The following DOCK7 variants were observed in gnomAD, a reference collection of about 807,000 sequenced individuals.
The protein encoded by DOCK7 is dedicator of cytokinesis protein 7.
A neutral mutation model predicts 271.0 loss-of-function variants in DOCK7; 138 were observed. The observed-to-expected ratio is 0.51, with a 90% CI of 0.44 to 0.59. The LOEUF (loss-of-function observed/expected upper bound fraction) is 0.59. Among genes scored for constraint, DOCK7 ranks in the 20% least tolerant of loss-of-function variants. The pLI is 0.00. For missense variants in DOCK7, 2,066 were observed against 2,592.4 expected, an observed-to-expected ratio of 0.80 and a Z score of 4.41; for synonymous variants, 823 against 876.1, an observed-to-expected ratio of 0.94 and a Z score of 1.07.
At chr1:62,670,717 A>G (rs1181438470) in intron 1 of DOCK7, among the ~76,000 whole-genome samples, 2 of 152,062 alleles carry the variant, frequency 1.3e-5, no homozygotes, top group Admixed American at 6.6e-5. Flanking sequence ...CTTTGTATCT[A>G]GCTCAGGGAT....
intron 16 of DOCK7, among the ~76,000 whole-genome samples, chr1:62,580,406 TG>T (rs2149487506): frequency 6.6e-6 from 1 of 152,318 alleles, no homozygotes; most frequent in African/African-American, 2.4e-5. Context: ...CAATGTCAGA[TG>T]GCATAGTCAT....
chr1:62,652,942 G>A (rs1657559703), intron 4 of DOCK7, among the ~76,000 whole-genome samples: 1 of 152,058 alleles, frequency 6.6e-6, no homozygotes, highest in African/African-American at 2.4e-5. Context: ...ACAATGTAAA[G>A]CCTAGTGAAA....
At chr1:62,540,954 G>C (rs1472490049) in intron 25 of DOCK7, among the ~76,000 whole-genome samples, 1 of 152,080 alleles carries the variant, frequency 6.6e-6, no homozygotes, top group African/African-American at 2.4e-5. Context: ...TATAGTCCCT[G>C]ATTTATTTTT....
intron 1 of DOCK7, among the ~76,000 whole-genome samples, chr1:62,681,582 A>G (rs1661171352): frequency 6.6e-6 from 1 of 151,920 alleles, no homozygotes; most frequent in African/African-American, 2.4e-5. Context: ...AAAGATTGCC[A>G]TCTATGACCC....
Position 62,495,829 on chromosome 1 carries a change from T to C in DOCK7, c.4924-148A>G, listed in dbSNP as rs80000345. The C allele has an allele frequency of 2.5e-4, 144 of 567,912 alleles. No individual in the cohort carries two copies. The African/African-American group carries it at 2.7e-3, about 11-fold the overall frequency. The allele number at this position is 567,912 out of a possible 1,614,324, so 35.2% of individuals were successfully genotyped here. A position where few individuals can be genotyped will look rare whatever the true frequency, so the allele number is the denominator to read the frequency against. On this transcript the variant is annotated intron_variant, in intron 38 of 49. Transcript: ENST00000635253. The stretch of plus-strand genomic sequence containing the variant: ...TATGATTCTGTACAGTATAGGTATG[T>C]GGGGATATGGTAAGTGAAGGGTAGT...
At chr1:62,547,360 CAACA>C in intron 22 of DOCK7, among the ~76,000 whole-genome samples, 1 of 152,228 alleles carries the variant, frequency 6.6e-6, no homozygotes, top group Middle Eastern at 3.4e-3. Flanking sequence ...TACCAATTTC[CAACA>C]AACATGGAAC....
intron 43 of DOCK7, among the ~76,000 whole-genome samples, chr1:62,479,338 T>G (rs1030887896): frequency 6.6e-6 from 1 of 152,186 alleles, no homozygotes; most frequent in African/African-American, 2.4e-5. Flanking sequence ...ATGTAAAGTT[T>G]TAAAGAAAAA....
rs149251657 is a variant in DOCK7, at chr1:62,617,007, C to T, written c.1682+1699G>A. ...GTCAGACATAAAAGAAAATTTACCT[C>T]CCACACATCCTATTTAAGAAAGATA... On this transcript the variant is annotated intron_variant, in intron 14 of 49. Coordinates refer to ENST00000635253, the MANE Select transcript of DOCK7 (RefSeq NM_001367561.1). Among the ~76,000 whole-genome samples the T allele has an allele frequency of 1.5e-4, 22 of 151,426 alleles. No individual in the cohort carries two copies. The East Asian group carries it at 4.2e-3, about 29-fold the overall frequency.
At chr1:62,549,331 A>T (rs1645815921) in intron 22 of DOCK7, among the ~76,000 whole-genome samples, 1 of 152,194 alleles carries the variant, frequency 6.6e-6, no homozygotes, top group South Asian at 2.1e-4. Context: ...TAACAAGGAC[A>T]GTTTTGGTGG....
chr1:62,682,936 A>G (rs766955013), intron 1 of DOCK7, among the ~76,000 whole-genome samples: 1 of 152,222 alleles, frequency 6.6e-6, no homozygotes, highest in Non-Finnish European at 1.5e-5. Context: ...GTACAATAAA[A>G]TAGGTAAGCT....
At chr1:62,570,656 T>C (rs1198223942) in intron 18 of DOCK7, among the ~76,000 whole-genome samples, 2 of 152,122 alleles carry the variant, frequency 1.3e-5, no homozygotes, top group East Asian at 1.9e-4. Flanking sequence ...CTTCAAACTA[T>C]ACTGAAAGGG....
chr1:62,650,916 A>C (rs1256598849), intron 4 of DOCK7, among the ~76,000 whole-genome samples: 1 of 152,164 alleles, frequency 6.6e-6, no homozygotes, highest in Non-Finnish European at 1.5e-5. Flanking sequence ...AACTAGAAAT[A>C]CTATTTGACC....
At chr1:62,532,820 T>C (rs1645219066) in intron 29 of DOCK7, among the ~76,000 whole-genome samples, 1 of 152,078 alleles carries the variant, frequency 6.6e-6, no homozygotes, top group Admixed American at 6.6e-5. Flanking sequence ...CTTGGTGCAT[T>C]AGAGAAACAG....
intron 29 of DOCK7, among the ~76,000 whole-genome samples, chr1:62,530,250 G>C (rs1645134422): frequency 6.6e-6 from 1 of 152,148 alleles, no homozygotes; most frequent in African/African-American, 2.4e-5. Context: ...GAGCCATTCT[G>C]AATTTGCTCT....
At chr1:62,680,265 C>T (rs1413922005) in intron 1 of DOCK7, among the ~76,000 whole-genome samples, 2 of 152,110 alleles carry the variant, frequency 1.3e-5, no homozygotes, top group Non-Finnish European at 2.9e-5. Context: ...TTTGACAAAC[C>T]TGACAAAAAC....
At chr1:62,585,644 A>G (rs1647407126) in intron 15 of DOCK7, among the ~76,000 whole-genome samples, 1 of 152,066 alleles carries the variant, frequency 6.6e-6, no homozygotes, top group Admixed American at 6.6e-5. Context: ...GCATTCCCCA[A>G]CTTGAAATGC....
intron 1 of DOCK7, among the ~76,000 whole-genome samples, chr1:62,665,265 A>C (rs1212697438): frequency 6.6e-6 from 1 of 152,144 alleles, no homozygotes; most frequent in Non-Finnish European, 1.5e-5. Context: ...CTGGGATTAC[A>C]GGCAGGAGCC....
In DOCK7 at chr1:62,539,771, A is replaced by G. The variant is rs754889545; in HGVS notation, c.3167T>C (p.Ile1056Thr). The change falls in exon 26 of 50, where the codon ATA becomes ACA. Residue 1056 changes from isoleucine (I) to threonine (T), a missense_variant. Coordinates refer to ENST00000635253, the MANE Select transcript of DOCK7 (RefSeq NM_001367561.1). ...CATTACCTTCTGAAATCGTGAAACT[A>G]TATCACTAGCAATCGTGCTGACAAG... is the stretch of plus-strand genomic sequence containing the variant. Reference protein sequence around the residue: ...AALVSTIASDIVSRFQKDTEM... With the variant: ...AALVSTIASDTVSRFQKDTEM... The G allele has an allele frequency of 9.3e-6, 15 of 1,613,234 alleles. No homozygotes were observed. Among genetic ancestry groups the G allele is most frequent in the South Asian group, 6.6e-5 (6 of 90,742 alleles).
At chr1:62,532,948 A>G (rs930436079) in intron 29 of DOCK7, among the ~76,000 whole-genome samples, 1 of 152,218 alleles carries the variant, frequency 6.6e-6, no homozygotes, top group African/African-American at 2.4e-5. Context: ...ATGCAAGACT[A>G]TCTTGCAGTC....
Sources: allele counts gnomAD v4.1 joint callset (sites outside exome capture counted in the v4.1 genomes callset), GRCh38; gene constraint gnomAD v4.1.1; transcripts MANE v1.5; gene names NCBI Gene and HGNC (gene_info 2026-07-23, HGNC 2026-07-21).